The following ARHGEF10 variants were observed in gnomAD, a reference collection of about 807,000 sequenced individuals.
ARHGEF10 encodes the protein Rho guanine nucleotide exchange factor 10.
ARHGEF10 carries 140 observed loss-of-function variants against 147.4 expected under a neutral mutation model. That is an observed-to-expected ratio of 0.95 (90% confidence interval 0.83 to 1.09). The LOEUF is 1.09. Ranked by LOEUF, ARHGEF10 falls within the 50% of genes least tolerant of loss-of-function variation. ARHGEF10 has a pLI of 0.00. For missense variants in ARHGEF10, 2,222 were observed against 1,752.7 expected (o/e 1.27, Z -4.78); for synonymous variants, 902 against 695.8 (o/e 1.30, Z -4.67).
At chr8:1,930,415 A>T (rs1051358822) in intron 25 of ARHGEF10, among the ~76,000 whole-genome samples, 1 of 151,962 alleles carries the variant, frequency 6.6e-6, no homozygotes, top group African/African-American at 2.4e-5. Flanking sequence ...CCTCGCCTTC[A>T]TTCTTCCGCT....
chr8:1,937,632 C>T lies in ARHGEF10; in HGVS notation c.3222+3690C>T, dbSNP rs181418583. Among the ~76,000 whole-genome samples, 6 of 152,352 alleles carry T rather than the reference C, an allele frequency of 3.9e-5. No individual in the cohort carries two copies. The highest frequency in any genetic ancestry group is 1.3e-4 in the Admixed American group (2 of 15,304). ...TCTGAAAACATGATATTCATCCTGT[C>T]GTTCCCGTTGTGCAGGGGAACTGTG... On this transcript the variant is annotated intron_variant, in intron 26 of 28. Transcript: ENST00000349830. This position sits in a 1 kb window ranked among gnomAD's most constrained non-coding sequence, Gnocchi z 4.9.
At chr8:1,940,577 C>G (rs930730588) in intron 26 of ARHGEF10, among the ~76,000 whole-genome samples, 1 of 152,184 alleles carries the variant, frequency 6.6e-6, no homozygotes, top group African/African-American at 2.4e-5. Context: ...ATTAACAGTA[C>G]TCTTTCCCAA....
intron 26 of ARHGEF10, 75 bp from the exon 27 acceptor site, chr8:1,945,406 A>T: frequency 6.5e-7 from 1 of 1,531,032 alleles, no homozygotes; most frequent in South Asian, 1.2e-5. Context: ...CTCCAGCTGG[A>T]CGCCACGTGG....
chr8:1,864,264 G>A (rs1371580729), intron 4 of ARHGEF10, 109 bp from the exon 5 acceptor site: 2 of 1,081,792 alleles, frequency 1.8e-6, no homozygotes, highest in Non-Finnish European at 2.9e-6. Context: ...GCTAAGATAA[G>A]CCTCTGATTG....
chr8:1,956,775 C>G lies in ARHGEF10; in HGVS notation c.3547C>G (p.His1183Asp), dbSNP rs763901709. ...TGRGMVSYHA[H>D]NSPVKFIVLA... ...AAGAGGCATGGTCTCCTACCATGCA[C>G]ACAACAGTCCTGTCAAATTCATCGT... The change falls in exon 29 of 29, where the codon CAC becomes GAC. Residue 1183 changes from histidine to aspartate, a missense_variant. Physicochemically the swap from His to Asp is moderately conservative, Grantham distance 81 (BLOSUM62 -1). Coordinates refer to ENST00000349830, the MANE Select transcript of ARHGEF10 (RefSeq NM_014629.4). The G allele has an allele frequency of 6.2e-7, 1 of 1,614,006 alleles. No individual in the cohort carries two copies. The highest frequency in any genetic ancestry group is 1.7e-5 in the Admixed American group (1 of 60,022).
intron 18 of ARHGEF10, among the ~76,000 whole-genome samples, chr8:1,912,634 T>A (rs1209429001): frequency 2.2e-5 from 3 of 134,090 alleles, no homozygotes; most frequent in Non-Finnish European, 3.3e-5. Context: ...TCCGGAGTTA[T>A]GATGTGGCAC....
intron 22 of ARHGEF10, among the ~76,000 whole-genome samples, chr8:1,926,118 C>T (rs983352308): frequency 6.6e-6 from 1 of 152,140 alleles, no homozygotes. Flanking sequence ...CCTGAGCTGC[C>T]GGATTTCAGT....
chr8:1,912,694 C>G (rs1485642301), intron 18 of ARHGEF10, among the ~76,000 whole-genome samples: 1 of 152,106 alleles, frequency 6.6e-6, no homozygotes, highest in Non-Finnish European at 1.5e-5. Flanking sequence ...TCCCCTGGTC[C>G]ATGGATTGGT....
intron 2 of ARHGEF10, among the ~76,000 whole-genome samples, chr8:1,845,899 C>A (rs1168408905): frequency 6.6e-6 from 1 of 152,200 alleles, no homozygotes; most frequent in African/African-American, 2.4e-5. Context: ...TGCAGCAGGA[C>A]ACTCCTCTGC....
intron 9 of ARHGEF10, 43 bp downstream of exon 9, chr8:1,880,207 G>C: frequency 6.8e-7 from 1 of 1,466,132 alleles, no homozygotes; most frequent in Non-Finnish European, 9.6e-7. Context: ...TGCCAGCCGG[G>C]CAGTAAAGAA....
At chr8:1,827,677 T>C (rs928914371) in intron 1 of ARHGEF10, among the ~76,000 whole-genome samples, 9 of 152,166 alleles carry the variant, frequency 5.9e-5, no homozygotes, top group African/African-American at 2.2e-4. Context: ...TTTTGTTGTA[T>C]CATTAGAGTA....
intron 1 of ARHGEF10, among the ~76,000 whole-genome samples, chr8:1,831,482 G>A (rs1309054110): frequency 1.3e-5 from 2 of 149,050 alleles, no homozygotes; most frequent in Non-Finnish European, 3.0e-5. Context: ...TGTGACATCC[G>A]TGGAGGGACA....
intron 15 of ARHGEF10, among the ~76,000 whole-genome samples, chr8:1,899,319 A>T (rs1366826463): frequency 6.6e-6 from 1 of 152,222 alleles, no homozygotes; most frequent in African/African-American, 2.4e-5. Flanking sequence ...AGGAGAGTCT[A>T]TGCTGGTTTC....
At chr8:1,872,914 C>T (rs1442880539) in intron 7 of ARHGEF10, among the ~76,000 whole-genome samples, 2 of 152,128 alleles carry the variant, frequency 1.3e-5, no homozygotes, top group African/African-American at 4.8e-5. Context: ...GTAAATGTGC[C>T]ACAAAGAAAG....
intron 1 of ARHGEF10, among the ~76,000 whole-genome samples, chr8:1,834,693 G>C (rs1803475244): frequency 6.6e-6 from 1 of 152,220 alleles, no homozygotes; most frequent in South Asian, 2.1e-4. Context: ...GCGGTGTTTG[G>C]TTGAGTTAAC....
chr8:1,828,436 G>A (rs1210787633), intron 1 of ARHGEF10, among the ~76,000 whole-genome samples: 2 of 150,852 alleles, frequency 1.3e-5, no homozygotes, highest in African/African-American at 2.4e-5. Flanking sequence ...TTGATAAACC[G>A]TGGCATGCAC....
intron 14 of ARHGEF10, among the ~76,000 whole-genome samples, chr8:1,897,193 G>A (rs752753354): frequency 7.2e-5 from 11 of 152,242 alleles, no homozygotes; most frequent in Non-Finnish European, 1.3e-4. Flanking sequence ...GCTACCTGGA[G>A]CGAGTGAACA....
At position 1,842,024 on chromosome 8, in the gene ARHGEF10, TGGGG is replaced by T. The variant is rs1274320903; in HGVS notation, c.-47-1328_-47-1325del. 2.3e-4 allele frequency among the ~76,000 whole-genome samples: 22 copies of T among 95,488 alleles called. 1 individual carries two copies. Among genetic ancestry groups the T allele is most frequent in the African/African-American group, 5.8e-4 (15 of 26,008 alleles). 62.6% of individuals were successfully genotyped at this position (95,488 alleles called of 152,430 possible). ...CGGGAACTGGGGCCGCGGCGGGAAC[TGGGG>T]CCGCGGCGGGAACTGGGGCCGCGGC... is the stretch of plus-strand genomic sequence containing the variant. On this transcript the variant is annotated intron_variant, in intron 1 of 28. Transcript: ENST00000349830.
At chr8:1,887,939 T>C (rs62477546) in intron 11 of ARHGEF10, among the ~76,000 whole-genome samples, 2 of 130,408 alleles carry the variant, frequency 1.5e-5, no homozygotes, top group Non-Finnish European at 3.3e-5. Flanking sequence ...GAGACAGTGA[T>C]TGGGGTGAGG....
Sources: allele counts gnomAD v4.1 joint callset (sites outside exome capture counted in the v4.1 genomes callset), GRCh38; gene constraint gnomAD v4.1.1; non-coding constraint Gnocchi (gnomAD v3.1); transcripts MANE v1.5; gene names NCBI Gene and HGNC (gene_info 2026-07-23, HGNC 2026-07-21).